RTN4: variants seen among roughly 807,000 people sequenced by gnomAD.
RTN4 encodes reticulon-4.
In RTN4, 32 loss-of-function variants were observed where a neutral mutation model predicts 90.4. The ratio of observed to expected loss-of-function variants is 0.35; its 90% CI spans 0.27 to 0.48. The LOEUF is 0.48. RTN4 is among the 20% of genes least tolerant of loss of function. RTN4 has a pLI of 0.99. For synonymous variants in RTN4, 629 were observed against 552.5 expected, an observed-to-expected ratio of 1.14 and a Z score of -1.94; for missense variants, 1,706 against 1,430.2, an observed-to-expected ratio of 1.19 and a Z score of -3.11.
chr2:54,990,911 G>A (rs1006372817), intron 3 of RTN4, among the ~76,000 whole-genome samples: 3 of 151,860 alleles, frequency 2.0e-5, no homozygotes, highest in Non-Finnish European at 4.4e-5. Context: ...TCAGCCTCCC[G>A]AGTAGCTGGG....
intron 8 of RTN4, 134 bp from the exon 9 acceptor site, chr2:54,973,332 T>C (rs1677291915): frequency 1.1e-6 from 1 of 934,246 alleles, no homozygotes; most frequent in Non-Finnish European, 1.6e-6. Context: ...TTCTAAGCTA[T>C]AATTTTGCCA....
At chr2:55,128,771 G>A in the RTN4 span, among the ~76,000 whole-genome samples, 1 of 151,496 alleles carries the variant, frequency 6.6e-6, no homozygotes, top group Non-Finnish European at 1.5e-5. Flanking sequence ...CAGTATACCA[G>A]CAATCCCTAC....
intron 2 of RTN4, among the ~76,000 whole-genome samples, chr2:55,063,872 A>G (rs1314893725): frequency 4.0e-5 from 6 of 150,726 alleles, no homozygotes; most frequent in Non-Finnish European, 8.9e-5. Context: ...AGGGGGAGAC[A>G]GTCTCAAAAA....
intron 2 of RTN4, among the ~76,000 whole-genome samples, chr2:55,061,020 T>C (rs1432768943): frequency 6.6e-6 from 1 of 152,160 alleles, no homozygotes; most frequent in Non-Finnish European, 1.5e-5. Context: ...ACAGTCATCA[T>C]GACATTCTTC....
intron 2 of RTN4, among the ~76,000 whole-genome samples, chr2:55,059,878 A>G (rs1668258532): frequency 6.6e-6 from 1 of 151,508 alleles, no homozygotes; most frequent in South Asian, 2.1e-4. Flanking sequence ...GGGTTTCACC[A>G]TGTTGCCCAA....
chr2:55,066,087 C>T (rs905255032), intron 2 of RTN4, among the ~76,000 whole-genome samples: 2 of 151,762 alleles, frequency 1.3e-5, no homozygotes, highest in South Asian at 2.1e-4. Flanking sequence ...AAGAATAGAA[C>T]TACATGAATT....
chr2:55,033,050 TA>T (rs141554598), intron 1 of RTN4, among the ~76,000 whole-genome samples: 355 of 125,632 alleles, frequency 2.8e-3, no homozygotes, highest in Middle Eastern at 4.0e-3. Flanking sequence ...CTGAAGAAGT[TA>T]AAAAAAAAAA....
At chr2:55,111,732 A>G (rs1404953013) in intron 1 of RTN4, among the ~76,000 whole-genome samples, 1 of 152,182 alleles carries the variant, frequency 6.6e-6, no homozygotes, top group Non-Finnish European at 1.5e-5. Flanking sequence ...GGCCATGTAC[A>G]GAGTAAGTGT....
chr2:55,019,360 G>A (rs1000256369), intron 3 of RTN4, among the ~76,000 whole-genome samples: 1 of 152,136 alleles, frequency 6.6e-6, no homozygotes. Context: ...ATTTTGATAG[G>A]GAGCAGGATA....
At chr2:55,008,730 T>A (rs959526833) in intron 3 of RTN4, among the ~76,000 whole-genome samples, 5 of 152,156 alleles carry the variant, frequency 3.3e-5, no homozygotes, top group African/African-American at 1.2e-4. Flanking sequence ...ACTTAAGATG[T>A]TATTTAATGA....
At chr2:55,131,660 T>A in the RTN4 span, among the ~76,000 whole-genome samples, 1 of 152,040 alleles carries the variant, frequency 6.6e-6, no homozygotes, top group African/African-American at 2.4e-5. Flanking sequence ...GAGGTGGGTG[T>A]ATCACCTGAA....
chr2:55,095,067 T>C (rs1302723021), intron 1 of RTN4, among the ~76,000 whole-genome samples: 1 of 152,136 alleles, frequency 6.6e-6, no homozygotes, highest in Non-Finnish European at 1.5e-5. Context: ...CTCACACCTG[T>C]AATCGCAGCA....
At chr2:54,991,898 G>A (rs998514381) in intron 3 of RTN4, among the ~76,000 whole-genome samples, 7 of 152,284 alleles carry the variant, frequency 4.6e-5, no homozygotes, top group African/African-American at 1.7e-4. Flanking sequence ...AACTGTATGA[G>A]AGAAACTTTT....
intron 1 of RTN4, among the ~76,000 whole-genome samples, chr2:55,038,261 GA>G (rs1424907904): frequency 1.3e-5 from 2 of 151,992 alleles, no homozygotes; most frequent in Non-Finnish European, 2.9e-5. Flanking sequence ...CACTAACCAT[GA>G]AAGAAAAAGT....
intron 3 of RTN4, among the ~76,000 whole-genome samples, chr2:55,014,840 A>T (rs1451780085): frequency 6.6e-6 from 1 of 152,092 alleles, no homozygotes; most frequent in East Asian, 1.9e-4. Flanking sequence ...TAAATTCTGA[A>T]TTCAAGAATT....
chr2:55,019,545 A>G (rs1042023501), intron 3 of RTN4, among the ~76,000 whole-genome samples: 3 of 152,216 alleles, frequency 2.0e-5, no homozygotes, highest in African/African-American at 7.2e-5. Flanking sequence ...GGGACACATC[A>G]TCATCTATAC....
intron 1 of RTN4, among the ~76,000 whole-genome samples, chr2:55,047,989 C>A (rs369599147): frequency 6.6e-6 from 1 of 152,188 alleles, no homozygotes; most frequent in African/African-American, 2.4e-5. Flanking sequence ...GTTGTGCAAA[C>A]CTCACAGTAT....
Position 55,028,255 on chromosome 2 carries a change from TAA to T in RTN4, c.557-37_557-36del, listed in dbSNP as rs1288095913. 3 of 1,582,004 alleles carry T rather than the reference TAA, an allele frequency of 1.9e-6. No individual in the cohort carries two copies. In the African/African-American group the frequency reaches 4.1e-5, roughly 21 times the overall value. Reference sequence around the variant, plus strand: ...AAATAGAATATAACCTCAGCAGAAATAAAGACAGATTGAAAGGAGACTAAAGA... The same window carrying T: ...AAATAGAATATAACCTCAGCAGAAATAGACAGATTGAAAGGAGACTAAAGA... On this transcript the variant is annotated intron_variant, in intron 1 of 8. Coordinates refer to ENST00000337526, the MANE Select transcript of RTN4 (RefSeq NM_020532.5).
intron 4 of RTN4, among the ~76,000 whole-genome samples, chr2:54,986,265 C>G (rs1188576632): frequency 6.6e-6 from 1 of 152,082 alleles, no homozygotes; most frequent in Admixed American, 6.6e-5. Flanking sequence ...TCTGTAAGAA[C>G]TGAAGTAATC....
Sources: gnomAD v4.1 joint callset for allele counts (sites outside exome capture counted in the v4.1 genomes callset) on GRCh38, gnomAD v4.1.1 for gene constraint, MANE v1.5 for transcripts, NCBI Gene and HGNC (gene_info 2026-07-23, HGNC 2026-07-21) for gene names.